MAPK10: variants seen among roughly 807,000 people sequenced by gnomAD.
The protein encoded by MAPK10 is JNK3 alpha protein kinase.
A neutral mutation model predicts 59.3 loss-of-function variants in MAPK10; 25 were observed. The ratio of observed to expected loss-of-function variants is 0.42; its 90% CI spans 0.31 to 0.59. MAPK10 has a LOEUF of 0.59. MAPK10 is among the 20% of genes least tolerant of loss of function. The pLI is 0.15. For synonymous variants in MAPK10, 190 were observed against 200.5 expected (o/e 0.95, Z 0.44); for missense variants, 351 against 568.9 (o/e 0.62, Z 3.90).
intron 9 of MAPK10, among the ~76,000 whole-genome samples, chr4:86,069,101 G>A (rs1055315444): frequency 1.3e-5 from 2 of 152,096 alleles, no homozygotes; most frequent in Non-Finnish European, 2.9e-5. Context: ...AGTTTGTCAA[G>A]TCTTTACTCC....
chr4:86,055,689 T>G (rs926928938), intron 11 of MAPK10, among the ~76,000 whole-genome samples: 2 of 149,806 alleles, frequency 1.3e-5, no homozygotes, highest in Non-Finnish European at 3.0e-5. Context: ...TTTCTACCCA[T>G]GAAATGTTTT....
chr4:86,097,715 A>G (rs1190987444), intron 9 of MAPK10, among the ~76,000 whole-genome samples: 1 of 152,210 alleles, frequency 6.6e-6, no homozygotes. Context: ...TATATTACAA[A>G]CACAAATCTG....
chr4:86,314,704 T>C (rs1204897980), intron 2 of MAPK10, among the ~76,000 whole-genome samples: 1 of 152,170 alleles, frequency 6.6e-6, no homozygotes, highest in Non-Finnish European at 1.5e-5. Context: ...ATAGAAGTTG[T>C]TGTTGTTTTC....
At chr4:86,555,814 A>C (rs1194318546) in intron 1 of MAPK10, among the ~76,000 whole-genome samples, 1 of 152,206 alleles carries the variant, frequency 6.6e-6, no homozygotes, top group Non-Finnish European at 1.5e-5. Flanking sequence ...AGATAAATTA[A>C]GGTTGAGGAG....
chr4:86,285,025 T>C (rs2094947205), intron 2 of MAPK10, among the ~76,000 whole-genome samples: 1 of 152,346 alleles, frequency 6.6e-6, no homozygotes, highest in African/African-American at 2.4e-5. Flanking sequence ...AAAATCCTTG[T>C]AATCTAGCAG....
chr4:86,356,562 T>C (rs1382802788), intron 1 of MAPK10: 1 of 501,522 alleles, frequency 2.0e-6, no homozygotes, highest in Admixed American at 6.4e-5. Context: ...ACACAGGTTT[T>C]GTATTTTCCC....
At chr4:86,332,456 C>T (rs374026947) in intron 2 of MAPK10, 28 of 152,216 alleles carry the variant, frequency 1.8e-4, no homozygotes, top group African/African-American at 6.5e-4. Context: ...AAAGTGTTCT[C>T]AGTAATCTCA....
chr4:86,348,713 G>A (rs1729579600), intron 2 of MAPK10, among the ~76,000 whole-genome samples: 1 of 152,004 alleles, frequency 6.6e-6, no homozygotes, highest in Non-Finnish European at 1.5e-5. Flanking sequence ...CTACTCTTTG[G>A]TCTCTTAGTT....
chr4:86,041,960 T>C (rs1441685784), intron 11 of MAPK10, among the ~76,000 whole-genome samples: 1 of 152,222 alleles, frequency 6.6e-6, no homozygotes, highest in Non-Finnish European at 1.5e-5. Flanking sequence ...GCAATCCCAT[T>C]ACTGGGTATA....
At chr4:86,284,030 C>T (rs1243084666) in intron 2 of MAPK10, among the ~76,000 whole-genome samples, 1 of 152,140 alleles carries the variant, frequency 6.6e-6, no homozygotes, top group African/African-American at 2.4e-5. Flanking sequence ...ATCAGCACCT[C>T]ACAAATTATT....
chr4:86,219,895 A>C (rs981082550), intron 2 of MAPK10: 1 of 152,194 alleles, frequency 6.6e-6, no homozygotes, highest in South Asian at 2.1e-4. Context: ...GTCTACAGAT[A>C]AGTGCTTTGT....
rs1319837847 is a variant in MAPK10 at position 86,311,966 on chromosome 4, C to T, written c.-7+42564G>A. On this transcript the variant is annotated intron_variant, in intron 2 of 13. Transcript: ENST00000641462. ...GGAAAGCATCTCAAAATGGGGCAGACTCATAAAAAACTATTATTTTGTATA... is the reference window on the plus strand; with the variant it reads ...GGAAAGCATCTCAAAATGGGGCAGATTCATAAAAAACTATTATTTTGTATA... Among the ~76,000 whole-genome samples the T allele has an allele frequency of 3.2e-5, 3 of 93,968 alleles. No homozygotes were observed. The East Asian group carries it at 8.1e-4, about 25-fold the overall frequency. 61.6% of individuals were successfully genotyped at this position (93,968 alleles called of 152,430 possible). A position where few individuals can be genotyped will look rare whatever the true frequency, so the allele number is the denominator to read the frequency against.
chr4:86,414,568 A>G (rs1745620568), intron 1 of MAPK10, among the ~76,000 whole-genome samples: 1 of 152,210 alleles, frequency 6.6e-6, no homozygotes, highest in African/African-American at 2.4e-5. Context: ...GGATGACTTC[A>G]TATATTGATC....
intron 1 of MAPK10, among the ~76,000 whole-genome samples, chr4:86,431,197 C>T (rs948541563): frequency 6.6e-6 from 1 of 152,060 alleles, no homozygotes; most frequent in Admixed American, 6.5e-5. Flanking sequence ...ACACTCATAC[C>T]AGGCAAAGAG....
At chr4:86,536,817 C>T (rs922538679) in intron 1 of MAPK10, among the ~76,000 whole-genome samples, 1 of 152,068 alleles carries the variant, frequency 6.6e-6, no homozygotes, top group African/African-American at 2.4e-5. Flanking sequence ...AAAATGAAAC[C>T]ATAAAGATCT....
intron 1 of MAPK10, among the ~76,000 whole-genome samples, chr4:86,528,912 C>G (rs535721312): frequency 6.6e-6 from 1 of 152,218 alleles, no homozygotes; most frequent in South Asian, 2.1e-4. Flanking sequence ...GTCCCATTAC[C>G]CAGAAGAGGT....
In MAPK10 at chr4:86,031,440, TA is replaced by T; in HGVS notation, c.1111-10del. The T allele has an allele frequency of 6.3e-7, 1 of 1,599,800 alleles. No homozygotes were observed. Among genetic ancestry groups the T allele is most frequent in the Non-Finnish European group, 8.6e-7 (1 of 1,167,792 alleles). ...TATATCTGAGGTGGAGGCTGCCGAATAAAAACAAAAAATAATCTTTGTGTGA... is the reference window on the plus strand; with the variant it reads ...TATATCTGAGGTGGAGGCTGCCGAATAAAACAAAAAATAATCTTTGTGTGA... On this transcript the variant is annotated splice_polypyrimidine_tract_variant and intron_variant, in intron 11 of 13. Coordinates refer to ENST00000641462, the MANE Select transcript of MAPK10 (RefSeq NM_138982.4).
intron 1 of MAPK10, among the ~76,000 whole-genome samples, chr4:86,400,793 C>T (rs545740009): frequency 1.2e-4 from 18 of 152,108 alleles, no homozygotes; most frequent in Admixed American, 4.6e-4. Context: ...GACATCCTAA[C>T]GGCAAAAGTT....
At chr4:86,119,221 G>C (rs2149108643) in intron 4 of MAPK10, among the ~76,000 whole-genome samples, 1 of 152,254 alleles carries the variant, frequency 6.6e-6, no homozygotes, top group Middle Eastern at 3.4e-3. Flanking sequence ...GCTTATCAAA[G>C]TTTCAGAGAT....
Sources: gnomAD v4.1 joint callset for allele counts (sites outside exome capture counted in the v4.1 genomes callset) on GRCh38, gnomAD v4.1.1 for gene constraint, MANE v1.5 for transcripts, NCBI Gene and HGNC (gene_info 2026-07-23, HGNC 2026-07-21) for gene names.